Variants in PTPRR observed in about 807,000 individuals in gnomAD.
PTPRR encodes the protein protein tyrosine phosphatase receptor type R, also known as receptor-type tyrosine-protein phosphatase R.
A neutral mutation model predicts 77.2 loss-of-function variants in PTPRR; 38 were observed. The observed-to-expected ratio is 0.49, with a 90% confidence interval of 0.38 to 0.65. The LOEUF (loss-of-function observed/expected upper bound fraction) is 0.65. PTPRR is among the 30% of genes least tolerant of loss of function. PTPRR has a pLI of 0.00. For missense variants in PTPRR, 744 were observed against 799.2 expected, an observed-to-expected ratio of 0.93 and a Z score of 0.83; for synonymous variants, 299 against 283.1, an observed-to-expected ratio of 1.06 and a Z score of -0.57.
Position 70,733,427 on chromosome 12 carries a change from C to CAACAAAA in PTPRR, c.1007+12390_1007+12391insTTTTGTT, listed in dbSNP as rs1555171072. ...TAAAAAAAATACAAACAAACAACAA[C>CAACAAAA]AAAAAAAAAAAAAAAAAAGAAAGAA... On this transcript the variant is annotated intron_variant, in intron 6 of 13. Coordinates refer to ENST00000283228, the MANE Select transcript of PTPRR (RefSeq NM_002849.4). Among the ~76,000 whole-genome samples the CAACAAAA allele has an allele frequency of 8.9e-4, 24 of 27,030 alleles. 1 individual carries two copies. Among genetic ancestry groups the CAACAAAA allele is most frequent in the African/African-American group, 1.5e-3 (13 of 8,642 alleles). 17.7% of individuals were successfully genotyped at this position (27,030 alleles called of 152,430 possible).
intron 2 of PTPRR, among the ~76,000 whole-genome samples, chr12:70,854,770 T>C (rs1892625219): frequency 6.6e-6 from 1 of 152,218 alleles, no homozygotes; most frequent in Non-Finnish European, 1.5e-5. Context: ...GATTTCCTCA[T>C]TTGGGAACAA....
At chr12:70,649,078 G>A (rs1450476946) in intron 13 of PTPRR, among the ~76,000 whole-genome samples, 1 of 152,102 alleles carries the variant, frequency 6.6e-6, no homozygotes, top group African/African-American at 2.4e-5. Context: ...TATCCATTCA[G>A]CATAACACAT....
At chr12:70,724,209 C>T (rs1322262922) in intron 6 of PTPRR, among the ~76,000 whole-genome samples, 2 of 152,082 alleles carry the variant, frequency 1.3e-5, no homozygotes, top group South Asian at 2.1e-4. Context: ...TTGCAAAATA[C>T]TCCTCATACT....
chr12:70,699,968 T>A lies in PTPRR; in HGVS notation c.1194+1169A>T, dbSNP rs1888361221. Among the ~76,000 whole-genome samples the A allele has an allele frequency of 2.6e-5, 4 of 152,168 alleles. No individual in the cohort carries two copies. In the South Asian group the frequency reaches 8.3e-4, roughly 31 times the overall value. On this transcript the variant is annotated intron_variant, in intron 7 of 13. Transcript: ENST00000283228. Reference sequence around the variant, plus strand: ...TTCAGGAAAGTGGGCTATGGTAAGGTCTTATTTCATAAACAAAGAGCTGTC... The same window carrying A: ...TTCAGGAAAGTGGGCTATGGTAAGGACTTATTTCATAAACAAAGAGCTGTC...
intron 13 of PTPRR, among the ~76,000 whole-genome samples, chr12:70,642,930 C>T (rs766612402): frequency 2.6e-5 from 4 of 152,074 alleles, no homozygotes; most frequent in African/African-American, 7.2e-5. Flanking sequence ...ATGGATCACT[C>T]GAGCCCAAAG....
At chr12:70,653,446 G>A (rs896560811) in intron 13 of PTPRR, among the ~76,000 whole-genome samples, 18 of 152,272 alleles carry the variant, frequency 1.2e-4, no homozygotes, top group African/African-American at 4.3e-4. Flanking sequence ...AGTTACATGT[G>A]GGGTGTGGTA....
Position 70,701,310 on chromosome 12 carries a change from C to G in PTPRR, c.1021G>C (p.Val341Leu), listed in dbSNP as rs186568459. The G allele has an allele frequency of 6.2e-7, 1 of 1,613,594 alleles. No homozygotes were observed. The highest frequency in any genetic ancestry group is 1.3e-5 in the African/African-American group (1 of 74,910). ...IGLQERRGSN[V>L]SLTLDMSSLG... ...CTACTCATGTCCAATGTAAGAGATA[C>G]GTTGGACCCTCTTCTACATTGGAGA... Residue 341 changes from valine to leucine, a missense_variant, in exon 7 of 14, where the codon GTA (valine) becomes CTA (leucine). Val to Leu is a conservative substitution (Grantham distance 32). Around this residue, in one of 3 missense-constraint regions of PTPRR, gnomAD observed 570 missense variants for 573.2 expected, o/e 0.99. Transcript: ENST00000283228.
intron 2 of PTPRR, among the ~76,000 whole-genome samples, chr12:70,812,691 T>A (rs1891830863): frequency 6.6e-6 from 1 of 152,212 alleles, no homozygotes; most frequent in Admixed American, 6.5e-5. Context: ...GAGAAGCAGT[T>A]CGATGTGTTT....
chr12:70,764,674 A>G lies in PTPRR; in HGVS notation c.462T>C (p.Asn154=). The G allele has an allele frequency of 1.2e-6, 2 of 1,611,988 alleles. No homozygotes were observed. Among genetic ancestry groups the G allele is most frequent in the Non-Finnish European group, 8.5e-7 (1 of 1,178,012 alleles). ...AATGTGGGTATCTTACAATGAGGCGATTGATGTGCACTTGCTGGGGTAAGA... is the reference window on the plus strand; with the variant it reads ...AATGTGGGTATCTTACAATGAGGCGGTTGATGTGCACTTGCTGGGGTAAGA... ...LGLLPQQVHI[N]RLIGKKNSIE... is the part of the protein sequence containing the mutation. The change falls in exon 3 of 14, where the codon AAT becomes AAC. Residue 154 remains asparagine, a synonymous_variant. Coordinates refer to ENST00000283228, the MANE Select transcript of PTPRR (RefSeq NM_002849.4).
At chr12:70,754,799 C>A in intron 4 of PTPRR, 3 of 1,403,686 alleles carry the variant, frequency 2.1e-6, no homozygotes, top group Non-Finnish European at 1.9e-6. Flanking sequence ...TTCCTTCTTT[C>A]TTTTAATCAC....
chr12:70,911,249 T>C (rs144137349), intron 1 of PTPRR, among the ~76,000 whole-genome samples: 5 of 152,166 alleles, frequency 3.3e-5, no homozygotes, highest in African/African-American at 1.2e-4. Context: ...AGAAATTCCA[T>C]GGGCTACAAA....
chr12:70,801,884 T>C (rs767656844), intron 2 of PTPRR, among the ~76,000 whole-genome samples: 1 of 152,194 alleles, frequency 6.6e-6, no homozygotes, highest in Admixed American at 6.5e-5. Flanking sequence ...TTTCCTAAGA[T>C]ATTATGATTG....
Position 70,639,196 on chromosome 12 carries a change from C to T in PTPRR, c.1962G>A (p.Glu654=), listed in dbSNP as rs1053378446. 1.2e-6 allele frequency: 2 copies of T among 1,613,148 alleles called. No individual in the cohort carries two copies. ...AGTCTTCAATGACTCACTGGACAGT[C>T]TCTGCTGAAAGTCTGCTCTCATACA... The part of the protein sequence containing the change: ...LCLYESRLSA[E]TVQ Residue 654 remains glutamate (E), a synonymous_variant, in exon 14 of 14, where the codon GAG becomes GAA. Coordinates refer to ENST00000283228, the MANE Select transcript of PTPRR (RefSeq NM_002849.4).
intron 6 of PTPRR, among the ~76,000 whole-genome samples, chr12:70,717,725 C>A (rs534813527): frequency 6.6e-6 from 1 of 152,292 alleles, no homozygotes; most frequent in African/African-American, 2.4e-5. Flanking sequence ...CACAATTGAC[C>A]TAATTTTAAT....
intron 6 of PTPRR, among the ~76,000 whole-genome samples, chr12:70,724,251 A>G (rs2136858414): frequency 6.6e-6 from 1 of 152,282 alleles, no homozygotes; most frequent in Admixed American, 6.5e-5. Context: ...TTCTGCTGTC[A>G]CTACCAGTAT....
At chr12:70,867,378 C>T (rs1892872592) in intron 2 of PTPRR, among the ~76,000 whole-genome samples, 2 of 151,912 alleles carry the variant, frequency 1.3e-5, no homozygotes, top group South Asian at 2.1e-4. Context: ...AAATCACAAG[C>T]ATTCTTATAC....
intron 7 of PTPRR, among the ~76,000 whole-genome samples, chr12:70,699,587 C>T (rs1345726820): frequency 6.6e-6 from 1 of 152,162 alleles, no homozygotes; most frequent in African/African-American, 2.4e-5. Context: ...GCTGGGATTA[C>T]AAGCATGAGC....
chr12:70,842,920 G>C (rs1451975468), intron 2 of PTPRR, among the ~76,000 whole-genome samples: 1 of 152,088 alleles, frequency 6.6e-6, no homozygotes, highest in Non-Finnish European at 1.5e-5. Flanking sequence ...TGTTCTCTCA[G>C]CATATTTAAT....
chr12:70,891,564 T>C (rs1233293920), intron 2 of PTPRR, among the ~76,000 whole-genome samples: 2 of 152,094 alleles, frequency 1.3e-5, no homozygotes, highest in African/African-American at 4.8e-5. Flanking sequence ...GTTCTTAGCT[T>C]ATGATTTTTA....
Sources: allele counts gnomAD v4.1 joint callset (sites outside exome capture counted in the v4.1 genomes callset), GRCh38; gene constraint gnomAD v4.1.1; regional missense constraint gnomAD v4.1.1; transcripts MANE v1.5; gene names NCBI Gene and HGNC (gene_info 2026-07-23, HGNC 2026-07-21).